Variants in XRCC1 observed in about 807,000 individuals in gnomAD.
XRCC1 encodes X-ray repair cross complementing 1, also known as DNA repair protein XRCC1.
Under a neutral mutation model 83.3 loss-of-function variants are expected in XRCC1, and 52 were observed. The observed-to-expected ratio is 0.62, with a 90% confidence interval of 0.50 to 0.79. The LOEUF (loss-of-function observed/expected upper bound fraction) is 0.79. XRCC1 is among the 30% of genes least tolerant of loss of function. The pLI is 0.00. For missense variants in XRCC1, 793 were observed against 823.5 expected (o/e 0.96, Z 0.45); for synonymous variants, 281 against 312.6 (o/e 0.90, Z 1.07).
rs1422686794 is a variant in XRCC1, at chr19:43,553,434, G to C, written c.568C>G (p.Leu190Val). 1.2e-6 allele frequency: 2 copies of C among 1,614,192 alleles called. No homozygotes were observed. The highest frequency in any genetic ancestry group is 2.7e-5 in the African/African-American group (2 of 75,048). ...GTCTTGTTGATCCGGCTGAAGAAGAGAGCCCCCGGCCTCAGAGAGTTGGCG... is the reference window on the plus strand; with the variant it reads ...GTCTTGTTGATCCGGCTGAAGAAGACAGCCCCCGGCCTCAGAGAGTTGGCG... ...ESANSLRPGA[L>V]FFSRINKTSP... The change falls in exon 6 of 17, where the codon CTC becomes GTC. Residue 190 changes from leucine (L) to valine (V), a missense_variant. Transcript: ENST00000262887.
At chr19:43,543,555 CG>C in intron 16 of XRCC1, 50 bp from the exon 17 acceptor site, 2 of 1,613,322 alleles carry the variant, frequency 1.2e-6, no homozygotes, top group South Asian at 1.1e-5. Context: ...GAGGGGAGGA[CG>C]GAGGAGATGC....
rs1262566687 is a variant in XRCC1 at position 43,560,899 on chromosome 19, G to A, written c.255+11C>T. 1 of 1,605,850 alleles carries A rather than the reference G, an allele frequency of 6.2e-7. No individual in the cohort carries two copies. Among genetic ancestry groups the A allele is most frequent in the Non-Finnish European group, 8.5e-7 (1 of 1,172,572 alleles). ...AGGTCAGTATGGGATCCATCTCATA[G>A]CCCTGCTTACCTCATAGTCTTGCTC... On this transcript the variant is annotated intron_variant, in intron 3 of 16. Coordinates refer to ENST00000262887, the MANE Select transcript of XRCC1 (RefSeq NM_006297.3).
chr19:43,568,072 A>G (rs1372978976), intron 2 of XRCC1, among the ~76,000 whole-genome samples: 1 of 151,056 alleles, frequency 6.6e-6, no homozygotes, highest in African/African-American at 2.4e-5. Flanking sequence ...ACAGGGTTCC[A>G]CCATCTTGGC....
At chr19:43,574,711 T>C (rs1972837051) in intron 2 of XRCC1, 199 bp downstream of exon 2, 1 of 579,068 alleles carries the variant, frequency 1.7e-6, no homozygotes, top group African/African-American at 1.9e-5. Context: ...CTGATTCCTG[T>C]GGTCATCCTG....
At chr19:43,550,857 TACA>T (rs1972567328) in intron 10 of XRCC1, among the ~76,000 whole-genome samples, 1 of 152,200 alleles carries the variant, frequency 6.6e-6, no homozygotes. Flanking sequence ...ACTGCACTGT[TACA>T]ACAATTCTGA....
intron 10 of XRCC1, among the ~76,000 whole-genome samples, chr19:43,548,779 A>AAAAAAACAAAAAAAAC (rs1972546438): frequency 4.2e-5 from 6 of 141,638 alleles, no homozygotes; most frequent in Admixed American, 2.2e-4. Flanking sequence ...AAAAAAAAAA[A>AAAAAAACAAAAAAAAC]AAAAAAACAC....
At chr19:43,550,702 C>T (rs1010338491) in intron 10 of XRCC1, among the ~76,000 whole-genome samples, 1 of 152,210 alleles carries the variant, frequency 6.6e-6, no homozygotes, top group Non-Finnish European at 1.5e-5. Flanking sequence ...GTAAGCTCAG[C>T]CTCACCTACA....
At chr19:43,547,343 G>A (rs1568511650) in intron 10 of XRCC1, among the ~76,000 whole-genome samples, 1 of 151,624 alleles carries the variant, frequency 6.6e-6, no homozygotes, top group Non-Finnish European at 1.5e-5. Context: ...ACACCACCAT[G>A]CCCCGCCAAC....
At chr19:43,543,726 G>A (rs1972479817) in intron 15 of XRCC1, 39 bp from the exon 16 acceptor site, 1 of 1,593,412 alleles carries the variant, frequency 6.3e-7, no homozygotes, top group Non-Finnish European at 8.6e-7. Flanking sequence ...GGCACATCAG[G>A]GAATCAGCAC....
chr19:43,556,738 G>A (rs1442660458), intron 3 of XRCC1, among the ~76,000 whole-genome samples: 1 of 152,064 alleles, frequency 6.6e-6, no homozygotes, highest in African/African-American at 2.4e-5. Context: ...CCAGGAGGCG[G>A]AGGTTGCAGT....
chr19:43,563,948 C>T (rs934179999), intron 2 of XRCC1, among the ~76,000 whole-genome samples: 4 of 152,196 alleles, frequency 2.6e-5, no homozygotes, highest in Non-Finnish European at 4.4e-5. Flanking sequence ...ACTGTGTCCC[C>T]AAGGCCAAGA....
At chr19:43,551,810 TGG>T in intron 9 of XRCC1, 123 bp from the exon 10 acceptor site, 1 of 996,570 alleles carries the variant, frequency 1.0e-6, no homozygotes, top group Non-Finnish European at 1.5e-6. Context: ...GAGATTGAGG[TGG>T]GAGAAACAAA....
Position 43,552,908 on chromosome 19 carries a change from G to A in XRCC1, c.712C>T (p.Pro238Ser). ...CTCTTCCCTTTGGGAGACTCCTGGGGCTGAGGGGATGGGGATGGATTGAGG... is the reference window on the plus strand; with the variant it reads ...CTCTTCCCTTTGGGAGACTCCTGGGACTGAGGGGATGGGGATGGATTGAGG... ...VSRAIGSTSK[P>S]QESPKGKRKL... is the part of the protein sequence containing the mutation. Residue 238 changes from proline to serine, a missense_variant and splice_region_variant, in exon 8 of 17, where the codon CCC becomes TCC. Pro to Ser is a moderately conservative substitution (Grantham distance 74). Coordinates refer to ENST00000262887, the MANE Select transcript of XRCC1 (RefSeq NM_006297.3). The A allele has an allele frequency of 2.5e-6, 4 of 1,613,170 alleles. No homozygotes were observed. The highest frequency in any genetic ancestry group is 1.3e-5 in the African/African-American group (1 of 74,984).
chr19:43,550,761 A>G (rs1158194151), intron 10 of XRCC1, among the ~76,000 whole-genome samples: 1 of 152,138 alleles, frequency 6.6e-6, no homozygotes, highest in Non-Finnish European at 1.5e-5. Flanking sequence ...TCTGCCCAGC[A>G]TGTTCTCTGC....
At chr19:43,556,424 G>A (rs1972636367) in intron 3 of XRCC1, among the ~76,000 whole-genome samples, 1 of 152,212 alleles carries the variant, frequency 6.6e-6, no homozygotes, top group Non-Finnish European at 1.5e-5. Context: ...AAGAAGAGGT[G>A]AAAATTCTTC....
At chr19:43,561,701 G>A (rs1247089767) in intron 2 of XRCC1, among the ~76,000 whole-genome samples, 2 of 152,228 alleles carry the variant, frequency 1.3e-5, no homozygotes. Flanking sequence ...GCTACCTATA[G>A]GAGGGCTCAT....
In XRCC1 at chr19:43,550,203, T is replaced by C. The variant is rs182837130; in HGVS notation, c.1199+1368A>G. On this transcript the variant is annotated intron_variant, in intron 10 of 16. Transcript: ENST00000262887. ...CTGGCATACAGATTGTTACATAAACTCCCAGGAGGGCCTGGGGGAGCACCC... is the reference window on the plus strand; with the variant it reads ...CTGGCATACAGATTGTTACATAAACCCCCAGGAGGGCCTGGGGGAGCACCC... Among the ~76,000 whole-genome samples the C allele has an allele frequency of 1.5e-3, 221 of 151,746 alleles. 1 individual carries two copies. The highest frequency in any genetic ancestry group is 1.6e-4 in the Non-Finnish European group (11 of 67,982).
At chr19:43,553,556 G>A (rs1972604785) in intron 5 of XRCC1, 44 bp from the exon 6 acceptor site, 1 of 1,613,212 alleles carries the variant, frequency 6.2e-7, no homozygotes, top group Non-Finnish European at 8.5e-7. Flanking sequence ...CTGCTGGCAG[G>A]TGGGGGTGGA....
At position 43,554,628 on chromosome 19, in the gene XRCC1, G is replaced by A. The variant is rs372495979; in HGVS notation, c.414+18C>T. 2.0e-5 allele frequency: 32 copies of A among 1,600,542 alleles called. No homozygotes were observed. In the African/African-American group the frequency reaches 3.1e-4, roughly 15 times the overall value. On this transcript the variant is annotated intron_variant, in intron 4 of 16. Coordinates refer to ENST00000262887, the MANE Select transcript of XRCC1 (RefSeq NM_006297.3). ...CCCAGGACCAAGGACTCTGCACCCT[G>A]GCTCCCACCCTAGGTACCTTGCTGT... is the stretch of plus-strand genomic sequence containing the variant.
Sources: gnomAD v4.1 joint callset for allele counts (sites outside exome capture counted in the v4.1 genomes callset) on GRCh38, gnomAD v4.1.1 for gene constraint, MANE v1.5 for transcripts, NCBI Gene and HGNC (gene_info 2026-07-23, HGNC 2026-07-21) for gene names.